MARCHF4: variants seen among roughly 807,000 people sequenced by gnomAD.
The protein encoded by MARCHF4 is E3 ubiquitin-protein ligase MARCHF4.
In MARCHF4, 14 loss-of-function variants were observed where a neutral mutation model predicts 43.9. The observed-to-expected ratio is 0.32, with a 90% confidence interval of 0.21 to 0.50. The LOEUF is 0.50. MARCHF4 is among the 20% of genes least tolerant of loss of function. The probability of loss-of-function intolerance (pLI) is 0.98; values close to 1 mark genes in which losing one functional copy is unlikely to be tolerated. For missense variants in MARCHF4, 468 were observed against 536.7 expected (o/e 0.87, Z 1.27); for synonymous variants, 226 against 213.3 (o/e 1.06, Z -0.52).
At chr2:216,268,186 T>A (rs1236381540) in intron 3 of MARCHF4, among the ~76,000 whole-genome samples, 1 of 152,118 alleles carries the variant, frequency 6.6e-6, no homozygotes, top group Non-Finnish European at 1.5e-5. Context: ...GGAGGTGACA[T>A]CAAAATCCTG....
chr2:216,325,747 G>C (rs1302712435), intron 1 of MARCHF4, among the ~76,000 whole-genome samples: 5 of 150,382 alleles, frequency 3.3e-5, no homozygotes, highest in Non-Finnish European at 7.5e-5. Context: ...TGGGAAAACT[G>C]GCTAGCCACA....
At chr2:216,306,189 T>C (rs1411553314) in intron 1 of MARCHF4, among the ~76,000 whole-genome samples, 1 of 151,340 alleles carries the variant, frequency 6.6e-6, no homozygotes, top group African/African-American at 2.4e-5. Context: ...AAACTCTCAT[T>C]GACAATCTAT....
At chr2:216,347,482 T>A (rs191142782) in intron 1 of MARCHF4, among the ~76,000 whole-genome samples, 1 of 152,176 alleles carries the variant, frequency 6.6e-6, no homozygotes, top group Non-Finnish European at 1.5e-5. Flanking sequence ...TTTCTCTTTA[T>A]CCAGAGAGTA....
chr2:216,315,060 C>T (rs1691753053), intron 1 of MARCHF4, among the ~76,000 whole-genome samples: 1 of 152,028 alleles, frequency 6.6e-6, no homozygotes, highest in South Asian at 2.1e-4. Flanking sequence ...TATTATTGTC[C>T]TTACTAGATT....
At chr2:216,320,655 CTTTCTTTCTTTCTTTCTTTCTT>C (rs769071824) in intron 1 of MARCHF4, among the ~76,000 whole-genome samples, 133 of 109,378 alleles carry the variant, frequency 1.2e-3, no homozygotes, top group Middle Eastern at 4.5e-3. Context: ...TTCTTTCTTT[CTTTCTTTCTTTCTTTCTTTCTT>C]TTTTTTTTTT....
intron 1 of MARCHF4, among the ~76,000 whole-genome samples, chr2:216,308,533 A>G (rs546543554): frequency 6.6e-5 from 10 of 152,362 alleles, no homozygotes; most frequent in Admixed American, 2.0e-4. Context: ...CCATATAGGC[A>G]GATGGCACAG....
At chr2:216,356,898 C>T (rs573026743) in intron 1 of MARCHF4, among the ~76,000 whole-genome samples, 11 of 152,178 alleles carry the variant, frequency 7.2e-5, no homozygotes, top group African/African-American at 2.6e-4. Context: ...TGGCAGGCCC[C>T]TGTAATCCCA....
chr2:216,278,729 A>G (rs544938087), intron 2 of MARCHF4, among the ~76,000 whole-genome samples: 70 of 152,308 alleles, frequency 4.6e-4, no homozygotes, highest in African/African-American at 1.5e-3. Flanking sequence ...GCAGCTTATA[A>G]TTTACTGAAT....
chr2:216,284,164 G>A (rs1047960866), intron 1 of MARCHF4, among the ~76,000 whole-genome samples: 11 of 152,076 alleles, frequency 7.2e-5, no homozygotes, highest in African/African-American at 2.4e-4. Context: ...TGAATTGGAA[G>A]GATCAGACCC....
chr2:216,288,311 A>G (rs1195555482), intron 1 of MARCHF4, among the ~76,000 whole-genome samples: 1 of 152,238 alleles, frequency 6.6e-6, no homozygotes, highest in Non-Finnish European at 1.5e-5. Flanking sequence ...GACACAGTGC[A>G]TGGCACAAGT....
In MARCHF4 at chr2:216,347,517, T is replaced by C. The variant is rs79769085; in HGVS notation, c.516+22228A>G. 7.5e-3 allele frequency among the ~76,000 whole-genome samples: 1,139 copies of C among 152,118 alleles called. 12 individuals carry two copies. Among genetic ancestry groups the C allele is most frequent in the African/African-American group, 0.026 (1,083 of 41,510 alleles). Reference sequence around the variant, plus strand: ...AGAAGCCATAGAAGAACACGGTGTTTGAAAAATGCCGACCAGCCTGGCAAA... The same window carrying C: ...AGAAGCCATAGAAGAACACGGTGTTCGAAAAATGCCGACCAGCCTGGCAAA... On this transcript the variant is annotated intron_variant, in intron 1 of 3. Coordinates refer to ENST00000273067, the MANE Select transcript of MARCHF4 (RefSeq NM_020814.3).
In MARCHF4 at chr2:216,372,348, T is replaced by C. The variant is rs1017074706; in HGVS notation, c.-2088A>G. On this transcript the variant is annotated 5_prime_UTR_variant, in exon 1 of 4. Transcript: ENST00000273067. Reference sequence around the variant, plus strand: ...TGCTGCATTCAGCACCCCGGGCGAGTGGACAGCTCCCACCCAGACCCCGCG... The same window carrying C: ...TGCTGCATTCAGCACCCCGGGCGAGCGGACAGCTCCCACCCAGACCCCGCG... Among the ~76,000 whole-genome samples, 2 of 148,572 alleles carry C rather than the reference T, an allele frequency of 1.3e-5. No individual in the cohort carries two copies. The highest frequency in any genetic ancestry group is 5.0e-5 in the African/African-American group (2 of 40,192).
At chr2:216,362,817 A>G (rs973088970) in intron 1 of MARCHF4, among the ~76,000 whole-genome samples, 2 of 152,182 alleles carry the variant, frequency 1.3e-5, no homozygotes, top group Non-Finnish European at 2.9e-5. Flanking sequence ...GAGGTATCAA[A>G]TGTGTACTAT....
At chr2:216,300,694 G>A (rs1559093246) in intron 1 of MARCHF4, among the ~76,000 whole-genome samples, 2 of 152,012 alleles carry the variant, frequency 1.3e-5, no homozygotes, top group Admixed American at 6.6e-5. Flanking sequence ...AAAGCTCGAA[G>A]ATAATAATAA....
rs1692741651 is a variant in MARCHF4 at position 216,370,443 on chromosome 2, C to T, written c.-183G>A. 2 of 524,648 alleles carry T rather than the reference C, an allele frequency of 3.8e-6. No individual in the cohort carries two copies. Among genetic ancestry groups the T allele is most frequent in the Non-Finnish European group, 6.6e-6 (2 of 302,634 alleles). 32.5% of individuals were successfully genotyped at this position (524,648 alleles called of 1,614,324 possible). ...TCCCAGGACTGAGAAGTGTGAGTCA[C>T]TGGTTCTGAACTCCACCTGGAAAGC... On this transcript the variant is annotated 5_prime_UTR_variant, in exon 1 of 4. The change creates a new upstream start codon in the 5' untranslated region. Transcript: ENST00000273067.
intron 3 of MARCHF4, among the ~76,000 whole-genome samples, chr2:216,274,934 A>C (rs1690996858): frequency 2.6e-5 from 4 of 152,168 alleles, no homozygotes; most frequent in Non-Finnish European, 4.4e-5. Flanking sequence ...AGATGGTCTA[A>C]ATGTCAATAG....
chr2:216,314,612 C>T (rs747835015), intron 1 of MARCHF4, among the ~76,000 whole-genome samples: 2 of 152,004 alleles, frequency 1.3e-5, no homozygotes, highest in Non-Finnish European at 2.9e-5. Flanking sequence ...CAAGAGCCAC[C>T]GTGCTTGGCC....
At chr2:216,348,059 C>CA (rs1692348029) in intron 1 of MARCHF4, among the ~76,000 whole-genome samples, 2 of 108,600 alleles carry the variant, frequency 1.8e-5, no homozygotes, top group Admixed American at 1.2e-4. Flanking sequence ...TTTTTTTAGA[C>CA]AGAGTTTCGC....
intron 1 of MARCHF4, among the ~76,000 whole-genome samples, chr2:216,348,100 T>C (rs1692348858): frequency 6.8e-6 from 1 of 148,036 alleles, no homozygotes; most frequent in Non-Finnish European, 1.5e-5. Flanking sequence ...TGCAATGGCG[T>C]GATCTCAGCT....
Sources: allele counts gnomAD v4.1 joint callset (sites outside exome capture counted in the v4.1 genomes callset), GRCh38; gene constraint gnomAD v4.1.1; transcripts MANE v1.5; gene names NCBI Gene and HGNC (gene_info 2026-07-23, HGNC 2026-07-21).